Variants in MRRF observed in about 807,000 individuals in gnomAD.
MRRF encodes the protein ribosome-recycling factor, mitochondrial.
In MRRF, 18 loss-of-function variants were observed where a neutral mutation model predicts 25.1. That is an observed-to-expected ratio of 0.72 (90% confidence interval 0.50 to 1.06). The LOEUF is 1.06. Among genes scored for constraint, MRRF ranks in the 50% least tolerant of loss-of-function variants. MRRF has a pLI of 0.00. For synonymous variants in MRRF, 113 were observed against 112.1 expected, an observed-to-expected ratio of 1.01 and a Z score of -0.05; for missense variants, 323 against 319.3, an observed-to-expected ratio of 1.01 and a Z score of -0.09.
chr9:122,279,141 G>T (rs1416541083), intron 2 of MRRF, among the ~76,000 whole-genome samples: 1 of 152,146 alleles, frequency 6.6e-6, no homozygotes, highest in African/African-American at 2.4e-5. Context: ...AAAGTGCTGG[G>T]ATTATAGGCA....
intron 4 of MRRF, among the ~76,000 whole-genome samples, chr9:122,287,572 ACTT>A (rs1833491098): frequency 6.6e-6 from 1 of 152,214 alleles, no homozygotes; most frequent in Non-Finnish European, 1.5e-5. Flanking sequence ...AGAGCCAGCC[ACTT>A]CTTTTATTAA....
chr9:122,293,876 T>G (rs1214275385), intron 5 of MRRF, among the ~76,000 whole-genome samples: 1 of 152,234 alleles, frequency 6.6e-6, no homozygotes, highest in Non-Finnish European at 1.5e-5. Context: ...AATGTGAAGT[T>G]CAGAGAAATT....
chr9:122,270,930 T>C lies in MRRF; in HGVS notation c.39T>C (p.Pro13=). ...LGLKCFRMVH[P]TFRNYLAASI... ...TAAAGTGCTTCCGCATGGTCCACCC[T>C]ACCTTTCGCAATTATCTTGCAGCCT... Residue 13 remains proline, a synonymous_variant, in exon 2 of 7, where the codon CCT becomes CCC. Coordinates refer to ENST00000344641, the MANE Select transcript of MRRF (RefSeq NM_138777.5). 4 of 1,614,206 alleles carry C rather than the reference T, an allele frequency of 2.5e-6. No individual in the cohort carries two copies. The highest frequency in any genetic ancestry group is 3.4e-6 in the Non-Finnish European group (4 of 1,180,026).
chr9:122,273,071 C>A (rs1832559357), intron 2 of MRRF, among the ~76,000 whole-genome samples: 1 of 152,242 alleles, frequency 6.6e-6, no homozygotes. Flanking sequence ...TCTTTCCCCT[C>A]ACCACACATA....
In MRRF at chr9:122,267,006, G is replaced by A. The variant is rs184770494; in HGVS notation, c.-29+2068G>A. Among the ~76,000 whole-genome samples the A allele has an allele frequency of 2.2e-3, 326 of 151,184 alleles. 3 individuals carry two copies. Among genetic ancestry groups the A allele is most frequent in the Admixed American group, 0.019 (294 of 15,144 alleles). On this transcript the variant is annotated intron_variant, in intron 1 of 6. Coordinates refer to ENST00000344641, the MANE Select transcript of MRRF (RefSeq NM_138777.5). ...AATGGCTTGAACCCTGGAGGCGGAG[G>A]TTGCAGTGAGCCAAGATTGCGCCAC...
At chr9:122,296,126 G>A (rs967371276) in intron 5 of MRRF, among the ~76,000 whole-genome samples, 60 of 152,068 alleles carry the variant, frequency 3.9e-4, no homozygotes, top group Non-Finnish European at 2.2e-4. Context: ...TCAGCTCTGC[G>A]TGGCTGTTTG....
At chr9:122,310,560 T>A (rs146461911) in intron 5 of MRRF, among the ~76,000 whole-genome samples, 8 of 152,372 alleles carry the variant, frequency 5.3e-5, no homozygotes, top group Middle Eastern at 3.4e-3. Flanking sequence ...GTTTTCTGTA[T>A]GCTCCTTCCG....
At chr9:122,311,642 A>G (rs953496743) in intron 5 of MRRF, among the ~76,000 whole-genome samples, 1 of 152,004 alleles carries the variant, frequency 6.6e-6, no homozygotes, top group Non-Finnish European at 1.5e-5. Context: ...TTTTTCCTCC[A>G]TTTAAAATAT....
chr9:122,279,296 C>T (rs973889502), intron 2 of MRRF, among the ~76,000 whole-genome samples: 2 of 152,178 alleles, frequency 1.3e-5, no homozygotes, highest in Non-Finnish European at 2.9e-5. Context: ...TTGGACGAAA[C>T]ATTTAAATGG....
intron 5 of MRRF, among the ~76,000 whole-genome samples, chr9:122,298,788 T>C (rs922807399): frequency 4.6e-5 from 7 of 152,150 alleles, no homozygotes; most frequent in Admixed American, 2.0e-4. Context: ...CACACACATA[T>C]AGTTTGTATG....
At chr9:122,268,675 A>G (rs1197775994) in intron 1 of MRRF, among the ~76,000 whole-genome samples, 3 of 152,246 alleles carry the variant, frequency 2.0e-5, no homozygotes, top group Admixed American at 6.5e-5. Context: ...TAGTATGGTT[A>G]AAGCAAACAG....
At chr9:122,291,236 C>A (rs1322396754) in intron 4 of MRRF, among the ~76,000 whole-genome samples, 1 of 152,228 alleles carries the variant, frequency 6.6e-6, no homozygotes. Flanking sequence ...TTTGCGGGAG[C>A]ATATACCAGC....
In MRRF at chr9:122,280,572, A is replaced by C. The variant is rs929547540; in HGVS notation, c.314A>C (p.Lys105Thr). Residue 105 changes from lysine (K) to threonine (T), a missense_variant, in exon 3 of 7, where the codon AAG becomes ACG. Lys to Thr is a moderately conservative substitution (Grantham distance 78, BLOSUM62 -1). Coordinates refer to ENST00000344641, the MANE Select transcript of MRRF (RefSeq NM_138777.5). ...VIEALKDNFNKTLNIRTSPGS... is the reference protein window; with the variant it reads ...VIEALKDNFNTTLNIRTSPGS... The stretch of plus-strand genomic sequence containing the variant: ...GAAGCTCTCAAGGATAATTTCAATA[A>C]GACTCTCAATATAAGGACCTCACCA... The C allele has an allele frequency of 1.9e-6, 3 of 1,614,068 alleles. No homozygotes were observed. Among genetic ancestry groups the C allele is most frequent in the Middle Eastern group, 1.7e-4 (1 of 6,060 alleles).
chr9:122,316,351 T>A (rs1835520388), intron 6 of MRRF, among the ~76,000 whole-genome samples: 1 of 151,976 alleles, frequency 6.6e-6, no homozygotes, highest in South Asian at 2.1e-4. Context: ...AATTTTTTTA[T>A]TTTTAGTAGA....
chr9:122,284,176 G>A (rs564024491), intron 3 of MRRF, among the ~76,000 whole-genome samples: 1 of 152,244 alleles, frequency 6.6e-6, no homozygotes, highest in South Asian at 2.1e-4. Context: ...TCTCTCCAGG[G>A]TGGGGCCCAG....
In MRRF at chr9:122,278,898, T is replaced by C. The variant is rs567075964; in HGVS notation, c.185-1545T>C. 4.6e-5 allele frequency among the ~76,000 whole-genome samples: 7 copies of C among 152,234 alleles called. No individual in the cohort carries two copies. In the East Asian group the frequency reaches 9.7e-4, roughly 21 times the overall value. On this transcript the variant is annotated intron_variant, in intron 2 of 6. Transcript: ENST00000344641. ...CGAAGATCCACATCTTTTTTTTTTT[T>C]CTTTGATCTGTCGCCCAGGCTGAAG...
intron 1 of MRRF, chr9:122,265,617 A>G (rs567634249): frequency 5.3e-5 from 25 of 475,582 alleles, no homozygotes; most frequent in African/African-American, 5.0e-4. Context: ...TTATAGTTGG[A>G]AAGAATGAAA....
chr9:122,274,035 C>T (rs1228011626), intron 2 of MRRF, among the ~76,000 whole-genome samples: 1 of 152,092 alleles, frequency 6.6e-6, no homozygotes, highest in East Asian at 1.9e-4. Context: ...CCTTTCCATT[C>T]TTCTCCCCTC....
chr9:122,322,963 T>C lies in MRRF; in HGVS notation c.*346T>C, dbSNP rs1835975375. On this transcript the variant is annotated 3_prime_UTR_variant, in exon 7 of 7. Coordinates refer to ENST00000344641, the MANE Select transcript of MRRF (RefSeq NM_138777.5). ...GAGTCTCCTTTTCAAATAATTAGGC[T>C]CTGTTCCCATTTTAAAACTCTGATA... is the stretch of plus-strand genomic sequence containing the variant. 1 of 355,948 alleles carries C rather than the reference T, an allele frequency of 2.8e-6. No homozygotes were observed. The highest frequency in any genetic ancestry group is 5.3e-6 in the Non-Finnish European group (1 of 188,890). 22.0% of individuals were successfully genotyped at this position (355,948 alleles called of 1,614,324 possible). A position where few individuals can be genotyped will look rare whatever the true frequency, so the allele number is the denominator to read the frequency against.
Sources: gnomAD v4.1 joint callset for allele counts (sites outside exome capture counted in the v4.1 genomes callset) on GRCh38, gnomAD v4.1.1 for gene constraint, MANE v1.5 for transcripts, NCBI Gene and HGNC (gene_info 2026-07-23, HGNC 2026-07-21) for gene names.